The following IL1RAPL1 variants were observed in gnomAD, a reference collection of about 807,000 sequenced individuals.
IL1RAPL1 encodes the protein interleukin-1 receptor accessory protein-like 1.
Under a neutral mutation model 48.4 loss-of-function variants are expected in IL1RAPL1, and 3 were observed. The observed-to-expected ratio is 0.06, with a 90% CI of 0.03 to 0.16. The LOEUF is 0.16. IL1RAPL1 is among the 10% of genes least tolerant of loss of function. The pLI, the probability that IL1RAPL1 is intolerant of heterozygous loss-of-function variation, is 1.00. For synonymous variants in IL1RAPL1, 185 were observed against 187.7 expected (o/e 0.99, Z 0.12); for missense variants, 349 against 530.6 (o/e 0.66, Z 3.36).
At chrX:29,470,695 A>C (rs1404923392) in intron 5 of IL1RAPL1, among the ~76,000 whole-genome samples, 1 of 111,593 alleles carries the variant, frequency 9.0e-6, no homozygotes, top group South Asian at 3.8e-4. Context: ...GTGCACTGGC[A>C]TGATCATAGC....
intron 2 of IL1RAPL1, among the ~76,000 whole-genome samples, chrX:29,031,649 C>T (rs1926620684): frequency 8.9e-6 from 1 of 111,862 alleles, no homozygotes; most frequent in Non-Finnish European, 1.9e-5. Flanking sequence ...AGCATTTCCT[C>T]ATGGATAATT....
chrX:29,828,161 A>G (rs1930783291), intron 6 of IL1RAPL1, among the ~76,000 whole-genome samples: 1 of 112,018 alleles, frequency 8.9e-6, no homozygotes, highest in African/African-American at 3.2e-5. Context: ...TCAGGGAGGC[A>G]CAAAGGGAGA....
intron 6 of IL1RAPL1, among the ~76,000 whole-genome samples, chrX:29,767,227 C>G (rs1007693415): frequency 8.9e-6 from 1 of 112,231 alleles, no homozygotes; most frequent in African/African-American, 3.2e-5. Flanking sequence ...TTATACACAA[C>G]TAATCTTGAA....
chrX:29,406,185 C>A (rs1426212699), intron 5 of IL1RAPL1, among the ~76,000 whole-genome samples: 1 of 111,209 alleles, frequency 9.0e-6, no homozygotes, highest in South Asian at 3.8e-4. Flanking sequence ...GTCAGGAGAT[C>A]AAGACCATCC....
intron 6 of IL1RAPL1, among the ~76,000 whole-genome samples, chrX:29,693,083 A>G (rs73454539): frequency 0.18 from 19,851 of 111,276 alleles, 1,810 homozygotes; most frequent in African/African-American, 0.35. Flanking sequence ...CTCTCTTTCA[A>G]CCTCTCAAGA....
intron 6 of IL1RAPL1, among the ~76,000 whole-genome samples, chrX:29,747,643 A>T (rs1341429015): frequency 8.9e-6 from 1 of 112,551 alleles, no homozygotes. Context: ...TCTTTTGGAA[A>T]TTGGAACTAA....
chrX:28,670,526 C>T (rs1468535025), intron 1 of IL1RAPL1, among the ~76,000 whole-genome samples: 3 of 111,929 alleles, frequency 2.7e-5, no homozygotes, highest in African/African-American at 9.7e-5. Flanking sequence ...GTTCCTTGCA[C>T]TCAGTTAAGG....
At chrX:29,495,380 G>T (rs1441553009) in intron 5 of IL1RAPL1, among the ~76,000 whole-genome samples, 1 of 111,775 alleles carries the variant, frequency 8.9e-6, no homozygotes, top group Non-Finnish European at 1.9e-5. Flanking sequence ...ATAGGTTCAG[G>T]TCATAGCATA....
intron 5 of IL1RAPL1, among the ~76,000 whole-genome samples, chrX:29,422,779 T>C (rs1406791202): frequency 9.0e-6 from 1 of 111,611 alleles, no homozygotes; most frequent in Non-Finnish European, 1.9e-5. Flanking sequence ...TTCCTCCCTC[T>C]GTTGCATTAA....
chrX:28,716,118 T>C (rs1010927993), intron 1 of IL1RAPL1, among the ~76,000 whole-genome samples: 2 of 111,929 alleles, frequency 1.8e-5, no homozygotes, highest in Non-Finnish European at 3.8e-5. Context: ...AGAAAAGGCT[T>C]GTGACAAAAT....
chrX:29,285,716 G>T (rs1306117532), intron 3 of IL1RAPL1, among the ~76,000 whole-genome samples: 2 of 110,915 alleles, frequency 1.8e-5, no homozygotes, highest in Non-Finnish European at 3.8e-5. Context: ...TAGAGAAAGG[G>T]ATAAACTGCA....
intron 5 of IL1RAPL1, among the ~76,000 whole-genome samples, chrX:29,536,273 A>C (rs1182404945): frequency 8.9e-6 from 1 of 112,206 alleles, no homozygotes; most frequent in African/African-American, 3.2e-5. Flanking sequence ...GAAAAGTAAT[A>C]TCTACTTTGA....
At chrX:29,047,682 T>G (rs1230172795) in intron 2 of IL1RAPL1, among the ~76,000 whole-genome samples, 1 of 110,130 alleles carries the variant, frequency 9.1e-6, no homozygotes, top group Non-Finnish European at 1.9e-5. Context: ...GCCCAAGTAA[T>G]GTTTAATGGA....
At chrX:29,196,032 C>T (rs188609356) in intron 2 of IL1RAPL1, among the ~76,000 whole-genome samples, 98 of 111,941 alleles carry the variant, frequency 8.8e-4, no homozygotes, top group African/African-American at 3.0e-3. Flanking sequence ...AAGTTAGCTG[C>T]CAAAAAGTCC....
At chrX:28,883,241 AAATG>A (rs1306959648) in intron 2 of IL1RAPL1, among the ~76,000 whole-genome samples, 3 of 111,942 alleles carry the variant, frequency 2.7e-5, no homozygotes, top group Non-Finnish European at 1.9e-5. Flanking sequence ...TTTTTTGTAT[AAATG>A]AAGTAGTATT....
At chrX:29,842,587 C>A (rs903574956) in intron 6 of IL1RAPL1, among the ~76,000 whole-genome samples, 1 of 112,115 alleles carries the variant, frequency 8.9e-6, no homozygotes, top group Admixed American at 9.4e-5. Context: ...TGTGTTAATT[C>A]GAAACATTTG....
At chrX:29,111,826 G>C (rs1928573075) in intron 2 of IL1RAPL1, among the ~76,000 whole-genome samples, 1 of 110,070 alleles carries the variant, frequency 9.1e-6, no homozygotes, top group Admixed American at 9.7e-5. Flanking sequence ...CATTTTATAA[G>C]AGGTAACTAT....
chrX:29,915,022 G>A (rs1377208254), intron 6 of IL1RAPL1, among the ~76,000 whole-genome samples: 8 of 112,334 alleles, frequency 7.1e-5, no homozygotes, highest in Non-Finnish European at 1.5e-4. Context: ...CCGGCTGGAC[G>A]TGGTGGCTCA....
intron 6 of IL1RAPL1, among the ~76,000 whole-genome samples, chrX:29,786,565 G>A (rs1170267159): frequency 2.7e-5 from 3 of 111,846 alleles, no homozygotes; most frequent in South Asian, 7.5e-4. Flanking sequence ...AAGTTCGAGA[G>A]TTGCATTATT....
Sources: gnomAD v4.1 joint callset for allele counts (sites outside exome capture counted in the v4.1 genomes callset) on GRCh38, gnomAD v4.1.1 for gene constraint, MANE v1.5 for transcripts, NCBI Gene and HGNC (gene_info 2026-07-23, HGNC 2026-07-21) for gene names.